Variants in THADA observed in about 807,000 individuals in gnomAD.
THADA encodes tRNA (32-2'-O)-methyltransferase regulator THADA.
Under a neutral mutation model 219.8 loss-of-function variants are expected in THADA, and 213 were observed. The ratio of observed to expected loss-of-function variants is 0.97; its 90% CI spans 0.87 to 1.09. The LOEUF (loss-of-function observed/expected upper bound fraction) is 1.09, where lower values mean the gene tolerates loss of function less well. Among genes scored for constraint, THADA ranks in the 50% least tolerant of loss-of-function variants. THADA has a pLI of 0.00. For synonymous variants in THADA, 1,018 were observed against 828.9 expected, an observed-to-expected ratio of 1.23 and a Z score of -3.92; for missense variants, 2,956 against 2,311.3, an observed-to-expected ratio of 1.28 and a Z score of -5.72.
intron 29 of THADA, among the ~76,000 whole-genome samples, chr2:43,392,221 G>A (rs1195127214): frequency 6.6e-6 from 1 of 152,136 alleles, no homozygotes; most frequent in Non-Finnish European, 1.5e-5. Context: ...AATTCTTAAA[G>A]CACTAAGACA....
intron 26 of THADA, among the ~76,000 whole-genome samples, chr2:43,435,064 T>G (rs1377663231): frequency 2.0e-5 from 3 of 152,170 alleles, no homozygotes; most frequent in Non-Finnish European, 4.4e-5. Context: ...TGAGGGGGAC[T>G]CACACACCCT....
intron 26 of THADA, among the ~76,000 whole-genome samples, chr2:43,482,833 T>G (rs1473886116): frequency 6.6e-6 from 1 of 152,196 alleles, no homozygotes; most frequent in Non-Finnish European, 1.5e-5. Context: ...TGCCTAGGAC[T>G]TCCAATATGT....
chr2:43,367,900 C>T (rs187484283), intron 29 of THADA, among the ~76,000 whole-genome samples: 13 of 152,222 alleles, frequency 8.5e-5, no homozygotes, highest in Non-Finnish European at 1.2e-4. Context: ...GGGTGGATCA[C>T]GAGGTCAAGA....
At chr2:43,482,473 A>G (rs1458128375) in intron 26 of THADA, among the ~76,000 whole-genome samples, 4 of 152,214 alleles carry the variant, frequency 2.6e-5, no homozygotes, top group Non-Finnish European at 5.9e-5. Context: ...AGTATTTTAA[A>G]AAAAGAAAAG....
rs1674711254 is a variant in THADA at position 43,291,482 on chromosome 2, A to AAAAAAAAAAAAAAAAAAAT, written c.5010+213_5010+214insATTTTTTTTTTTTTTTTTT. ...AAAAAAAAAAAAAAAAAAAAAAAAAATCCTAAAACAAGAGAAAAGAAAGGT... is the reference window on the plus strand; with the variant it reads ...AAAAAAAAAAAAAAAAAAAAAAAAAAAAAAAAAAAAAAAAAAAATTCCTAAAACAAGAGAAAAGAAAGGT... On this transcript the variant is annotated intron_variant, in intron 34 of 37. Coordinates refer to ENST00000405975, the MANE Select transcript of THADA (RefSeq NM_022065.5). 1.4e-5 allele frequency among the ~76,000 whole-genome samples: 2 copies of AAAAAAAAAAAAAAAAAAAT among 142,204 alleles called. 1 individual carries two copies. Among genetic ancestry groups the AAAAAAAAAAAAAAAAAAAT allele is most frequent in the Non-Finnish European group, 3.1e-5 (2 of 65,282 alleles). The allele number at this position is 142,204 out of a possible 152,430, so 93.3% of individuals were successfully genotyped here.
At chr2:43,501,307 C>CAAAAAAAAAAAAAAAAAAAA (rs60448094) in intron 24 of THADA, among the ~76,000 whole-genome samples, 1 of 15,050 alleles carries the variant, frequency 6.6e-5, no homozygotes, top group Non-Finnish European at 1.3e-4. Context: ...ACTCCAACTC[C>CAAAAAAAAAAAAAAAAAAAA]AAAAAAAAAA....
At chr2:43,451,507 T>C (rs1453314663) in intron 26 of THADA, among the ~76,000 whole-genome samples, 2 of 152,226 alleles carry the variant, frequency 1.3e-5, no homozygotes, top group African/African-American at 4.8e-5. Context: ...GTTAGCTCCC[T>C]GAGACTAAAG....
intron 29 of THADA, among the ~76,000 whole-genome samples, chr2:43,347,641 G>C (rs1667780983): frequency 6.6e-6 from 1 of 152,158 alleles, no homozygotes; most frequent in African/African-American, 2.4e-5. Flanking sequence ...GAGAAAATTG[G>C]GGGAAAGAGG....
At chr2:43,377,602 G>A (rs78314405) in intron 29 of THADA, among the ~76,000 whole-genome samples, 9,770 of 152,192 alleles carry the variant, frequency 0.064, 399 homozygotes, top group Non-Finnish European at 0.097. Context: ...TCATCTGATC[G>A]GGGATATGGC....
chr2:43,553,897 A>G (rs561729815), intron 17 of THADA, among the ~76,000 whole-genome samples: 1 of 152,156 alleles, frequency 6.6e-6, no homozygotes, highest in Non-Finnish European at 1.5e-5. Context: ...TAATGTGCTC[A>G]TTGTTCATGT....
At chr2:43,480,943 T>C (rs1686140891) in intron 26 of THADA, among the ~76,000 whole-genome samples, 1 of 152,242 alleles carries the variant, frequency 6.6e-6, no homozygotes, top group South Asian at 2.1e-4. Flanking sequence ...AAATAAGCTA[T>C]TCTGAATTCT....
At chr2:43,529,111 T>A (rs933955203) in intron 21 of THADA, among the ~76,000 whole-genome samples, 4 of 152,148 alleles carry the variant, frequency 2.6e-5, no homozygotes, top group African/African-American at 9.6e-5. Flanking sequence ...CTACATGCTG[T>A]CTTTCTCCAC....
intron 26 of THADA, among the ~76,000 whole-genome samples, chr2:43,448,762 CCT>C (rs1356199712): frequency 6.6e-5 from 10 of 151,908 alleles, no homozygotes; most frequent in African/African-American, 2.4e-4. Flanking sequence ...AGGCAGACCC[CCT>C]GACACAGACA....
intron 26 of THADA, among the ~76,000 whole-genome samples, chr2:43,453,883 T>C (rs1682663542): frequency 6.6e-6 from 1 of 152,210 alleles, no homozygotes; most frequent in South Asian, 2.1e-4. Context: ...GAGAACAACA[T>C]AGCATGCACT....
At position 43,451,108 on chromosome 2, in the gene THADA, T is replaced by C. The variant is rs139277721; in HGVS notation, c.3837-20806A>G. Among the ~76,000 whole-genome samples the C allele has an allele frequency of 5.9e-3, 899 of 152,350 alleles. 14 individuals are homozygous for C. Among genetic ancestry groups the C allele is most frequent in the African/African-American group, 0.02 (850 of 41,584 alleles). ...GGTTAAGATGGTAAATTTTATGTTA[T>C]GTGTATTTTACCACAATAAAAAATA... is the stretch of plus-strand genomic sequence containing the variant. On this transcript the variant is annotated intron_variant, in intron 26 of 37. Coordinates refer to ENST00000405975, the MANE Select transcript of THADA (RefSeq NM_022065.5).
chr2:43,502,652 C>G (rs1689156539), intron 24 of THADA, among the ~76,000 whole-genome samples: 1 of 150,698 alleles, frequency 6.6e-6, no homozygotes, highest in Non-Finnish European at 1.5e-5. Context: ...TCTTTCCCAT[C>G]TTGGGGTATA....
chr2:43,522,055 A>C lies in THADA; in HGVS notation c.3374+5824T>G, dbSNP rs76768953. Reference sequence around the variant, plus strand: ...TTTTCCCAATCTCTAATTATTTCATAAGCTAAATTCCCATTCAACTCCATT... The same window carrying C: ...TTTTCCCAATCTCTAATTATTTCATCAGCTAAATTCCCATTCAACTCCATT... On this transcript the variant is annotated intron_variant, in intron 22 of 37. Coordinates refer to ENST00000405975, the MANE Select transcript of THADA (RefSeq NM_022065.5). Among the ~76,000 whole-genome samples the C allele has an allele frequency of 2.4e-4, 37 of 152,302 alleles. 1 individual carries two copies. In the East Asian group the frequency reaches 7.1e-3, roughly 29 times the overall value.
intron 36 of THADA, among the ~76,000 whole-genome samples, chr2:43,235,370 C>T (rs561323781): frequency 2.6e-5 from 4 of 151,566 alleles, no homozygotes; most frequent in East Asian, 2.0e-4. Context: ...CTCGGCTCAC[C>T]GCGACCTCCG....
chr2:43,519,896 T>G lies in THADA; in HGVS notation c.3374+7983A>C, dbSNP rs145310711. Among the ~76,000 whole-genome samples the G allele has an allele frequency of 5.3e-5, 8 of 152,302 alleles. No homozygotes were observed. In the East Asian group the frequency reaches 1.5e-3, roughly 29 times the overall value. On this transcript the variant is annotated intron_variant, in intron 22 of 37. Coordinates refer to ENST00000405975, the MANE Select transcript of THADA (RefSeq NM_022065.5). ...AAAAAGCAGAATAGAGTTCTGACTA[T>G]TCAATGAACCTTCTGTCTGCTCCCC...
Sources: gnomAD v4.1 joint callset for allele counts (sites outside exome capture counted in the v4.1 genomes callset) on GRCh38, gnomAD v4.1.1 for gene constraint, MANE v1.5 for transcripts, NCBI Gene and HGNC (gene_info 2026-07-23, HGNC 2026-07-21) for gene names.